The following CDC73 variants were observed in gnomAD, a reference collection of about 807,000 sequenced individuals.
CDC73 encodes the protein cell division cycle 73, also known as parafibromin.
A neutral mutation model predicts 83.7 loss-of-function variants in CDC73; 21 were observed. The observed-to-expected ratio is 0.25, with a 90% CI of 0.18 to 0.36. The LOEUF (loss-of-function observed/expected upper bound fraction) is 0.36. Ranked by LOEUF, CDC73 falls within the 10% of genes least tolerant of loss-of-function variation. The pLI is 1.00. For synonymous variants in CDC73, 224 were observed against 212.9 expected (o/e 1.05, Z -0.45); for missense variants, 342 against 653.3 (o/e 0.52, Z 5.19).
At chr1:193,141,130 T>C (rs2103125720) in intron 6 of CDC73, 1 of 152,356 alleles carries the variant, frequency 6.6e-6, no homozygotes, top group Middle Eastern at 3.4e-3. Context: ...TATTTTTGTC[T>C]ACTGTTATTA....
chr1:193,133,320 T>A (rs934513202), intron 3 of CDC73, among the ~76,000 whole-genome samples: 2 of 152,192 alleles, frequency 1.3e-5, no homozygotes, highest in African/African-American at 4.8e-5. Context: ...TAGGAAGACA[T>A]AATAGCTAAA....
intron 10 of CDC73, among the ~76,000 whole-genome samples, chr1:193,202,272 G>C (rs1677104786): frequency 6.6e-6 from 1 of 151,408 alleles, no homozygotes; most frequent in Admixed American, 6.6e-5. Flanking sequence ...TTATGCTCCA[G>C]GTACTGGAAT....
intron 7 of CDC73, among the ~76,000 whole-genome samples, chr1:193,147,282 G>C (rs1460698151): frequency 6.6e-6 from 1 of 151,920 alleles, no homozygotes. Context: ...ACGAGCCACC[G>C]TGCCCGGCCT....
chr1:193,220,704 G>C (rs1677453915), intron 13 of CDC73, among the ~76,000 whole-genome samples: 1 of 152,016 alleles, frequency 6.6e-6, no homozygotes, highest in Non-Finnish European at 1.5e-5. Flanking sequence ...TATTCATTGA[G>C]CTGTTTTTTC....
intron 8 of CDC73, 125 bp from the exon 9 acceptor site, chr1:193,150,179 G>C (rs1010835427): frequency 2.9e-6 from 2 of 701,536 alleles, no homozygotes; most frequent in South Asian, 1.5e-5. Flanking sequence ...GCTGAGGTGG[G>C]AGGATCACTT....
chr1:193,146,944 AT>A (rs549666225), intron 7 of CDC73, among the ~76,000 whole-genome samples: 7 of 151,362 alleles, frequency 4.6e-5, no homozygotes, highest in African/African-American at 9.7e-5. Flanking sequence ...GTAGTTGATT[AT>A]TTTTTTTTCT....
chr1:193,224,684 A>G (rs1677535424), intron 13 of CDC73, among the ~76,000 whole-genome samples: 1 of 152,224 alleles, frequency 6.6e-6, no homozygotes, highest in Non-Finnish European at 1.5e-5. Flanking sequence ...GCATTCATAT[A>G]TGTACATATA....
At chr1:193,169,878 G>T (rs1462631237) in intron 10 of CDC73, among the ~76,000 whole-genome samples, 2 of 151,770 alleles carry the variant, frequency 1.3e-5, no homozygotes, top group African/African-American at 2.4e-5. Flanking sequence ...GGGGTTTGTT[G>T]TACAGATTAT....
chr1:193,225,839 T>C (rs753203646), intron 13 of CDC73, among the ~76,000 whole-genome samples: 2 of 152,154 alleles, frequency 1.3e-5, no homozygotes, highest in African/African-American at 2.4e-5. Flanking sequence ...AAGATTTTTC[T>C]CCCACTCTGT....
chr1:193,164,891 A>T (rs771163896), intron 10 of CDC73, among the ~76,000 whole-genome samples: 1 of 152,080 alleles, frequency 6.6e-6, no homozygotes. Flanking sequence ...TGAATTTGGG[A>T]TTTATAATGT....
chr1:193,219,521 A>G (rs1677428842), intron 13 of CDC73, among the ~76,000 whole-genome samples: 1 of 152,258 alleles, frequency 6.6e-6, no homozygotes, highest in South Asian at 2.1e-4. Flanking sequence ...GATTGGATAA[A>G]GAAATCTGGT....
At chr1:193,236,078 G>A (rs1329635028) in intron 14 of CDC73, among the ~76,000 whole-genome samples, 178 bp from the exon 15 acceptor site, 2 of 152,152 alleles carry the variant, frequency 1.3e-5, no homozygotes, top group African/African-American at 2.4e-5. Context: ...CATTCTAATG[G>A]CAATATCATA....
chr1:193,129,362 C>T (rs1486457899), intron 2 of CDC73, among the ~76,000 whole-genome samples: 5 of 151,290 alleles, frequency 3.3e-5, no homozygotes, highest in Non-Finnish European at 1.5e-5. Flanking sequence ...GAACTCATGA[C>T]CTCAAGGGAT....
At chr1:193,172,009 C>CT (rs113443257) in intron 10 of CDC73, among the ~76,000 whole-genome samples, 8 of 152,174 alleles carry the variant, frequency 5.3e-5, no homozygotes, top group African/African-American at 1.7e-4. Context: ...ACTGCAACCT[C>CT]TGTCTCCTGG....
intron 10 of CDC73, among the ~76,000 whole-genome samples, chr1:193,192,065 T>A (rs1341678257): frequency 6.6e-6 from 1 of 152,248 alleles, no homozygotes; most frequent in Non-Finnish European, 1.5e-5. Context: ...ACTAAAACTT[T>A]GCAAAGAGGC....
In CDC73 at chr1:193,122,108, G is replaced by A. The variant is rs1572139469; in HGVS notation, c.-93G>A. 1.5e-5 allele frequency: 19 copies of A among 1,276,690 alleles called. No homozygotes were observed. Among genetic ancestry groups the A allele is most frequent in the Non-Finnish European group, 2.0e-5 (18 of 881,760 alleles). 79.1% of individuals were successfully genotyped at this position (1,276,690 alleles called of 1,614,324 possible). On this transcript the variant is annotated 5_prime_UTR_variant, in exon 1 of 17. Coordinates refer to ENST00000367435, the MANE Select transcript of CDC73 (RefSeq NM_024529.5). ...GTTGGTTCGTCGCGGCGGCGAAGGAGGAGGAGGAAGAGGGCGAGGCGACAA... is the reference window on the plus strand; with the variant it reads ...GTTGGTTCGTCGCGGCGGCGAAGGAAGAGGAGGAAGAGGGCGAGGCGACAA...
At chr1:193,232,945 T>C (rs1204250743) in intron 13 of CDC73, 48 bp from the exon 14 acceptor site, 1 of 1,505,456 alleles carries the variant, frequency 6.6e-7, no homozygotes, top group Non-Finnish European at 9.2e-7. Context: ...CTTCCCATTT[T>C]CATCACGTGG....
chr1:193,162,177 AT>A (rs1417850346), intron 10 of CDC73, among the ~76,000 whole-genome samples: 21 of 102,598 alleles, frequency 2.0e-4, no homozygotes, highest in South Asian at 5.9e-4. Flanking sequence ...TATAATATAT[AT>A]TATATATTAT....
At chr1:193,145,250 G>A (rs1675976472) in intron 7 of CDC73, among the ~76,000 whole-genome samples, 1 of 152,148 alleles carries the variant, frequency 6.6e-6, no homozygotes, top group Non-Finnish European at 1.5e-5. Flanking sequence ...TGGTTTCCAT[G>A]TTGCATTAAC....
Sources: allele counts gnomAD v4.1 joint callset (sites outside exome capture counted in the v4.1 genomes callset), GRCh38; gene constraint gnomAD v4.1.1; transcripts MANE v1.5; gene names NCBI Gene and HGNC (gene_info 2026-07-23, HGNC 2026-07-21).